The following CDK14 variants were observed in gnomAD, a reference collection of about 807,000 sequenced individuals.
CDK14 encodes the protein cyclin dependent kinase 14.
In CDK14, 34 loss-of-function variants were observed where a neutral mutation model predicts 60.7. That is an observed-to-expected ratio of 0.56 (90% confidence interval 0.43 to 0.75). The LOEUF (loss-of-function observed/expected upper bound fraction) is 0.75. Ranked by LOEUF, CDK14 falls within the 30% of genes least tolerant of loss-of-function variation. The pLI is 0.00. For missense variants in CDK14, 482 were observed against 564.1 expected, an observed-to-expected ratio of 0.85 and a Z score of 1.47; for synonymous variants, 197 against 203.7, an observed-to-expected ratio of 0.97 and a Z score of 0.28.
At chr7:91,011,450 G>T (rs552841867) in intron 10 of CDK14, among the ~76,000 whole-genome samples, 2 of 152,080 alleles carry the variant, frequency 1.3e-5, no homozygotes, top group African/African-American at 4.8e-5. Flanking sequence ...TGTGCTTGGC[G>T]TTCAGTAAGT....
At chr7:91,142,821 TCTC>T (rs1286315858) in intron 14 of CDK14, among the ~76,000 whole-genome samples, 24 of 152,272 alleles carry the variant, frequency 1.6e-4, no homozygotes, top group African/African-American at 5.5e-4. Context: ...AGAAGAAAGA[TCTC>T]CTTGAAAATA....
chr7:90,990,152 G>T (rs1046479931), intron 10 of CDK14, among the ~76,000 whole-genome samples: 1 of 152,194 alleles, frequency 6.6e-6, no homozygotes, highest in Non-Finnish European at 1.5e-5. Flanking sequence ...GGTAGTATGT[G>T]CCTATGGTCC....
Position 90,946,649 on chromosome 7 carries a change from A to G in CDK14, c.827-9048A>G, listed in dbSNP as rs187775873. ...AGTTCATGTTTGAAAGTAGTTGCCT[A>G]TTTTTATCTCATGGAATGTTTTAAA... On this transcript the variant is annotated intron_variant, in intron 8 of 14. Coordinates refer to ENST00000380050, the MANE Select transcript of CDK14 (RefSeq NM_001287135.2). Among the ~76,000 whole-genome samples, 297 of 152,276 alleles carry G rather than the reference A, an allele frequency of 2.0e-3. 4 individuals carry two copies. Among genetic ancestry groups the G allele is most frequent in the East Asian group, 3.9e-4 (2 of 5,178 alleles).
At chr7:91,143,005 T>C (rs1800513517) in intron 14 of CDK14, among the ~76,000 whole-genome samples, 1 of 152,122 alleles carries the variant, frequency 6.6e-6, no homozygotes, top group South Asian at 2.1e-4. Flanking sequence ...TCACCCAAGG[T>C]AAAATGTGAA....
chr7:91,190,678 CAG>C (rs1802332595), intron 14 of CDK14, among the ~76,000 whole-genome samples: 1 of 152,036 alleles, frequency 6.6e-6, no homozygotes, highest in African/African-American at 2.4e-5. Context: ...TTAGTAGAGA[CAG>C]GGTTTCGCCA....
chr7:90,719,517 C>T (rs1470847169), intron 2 of CDK14, among the ~76,000 whole-genome samples: 1 of 152,106 alleles, frequency 6.6e-6, no homozygotes, highest in African/African-American at 2.4e-5. Flanking sequence ...AAGCTAGAAT[C>T]GTAGGTCAAA....
At chr7:91,204,968 A>G (rs574272034) in intron 14 of CDK14, among the ~76,000 whole-genome samples, 30 of 152,138 alleles carry the variant, frequency 2.0e-4, no homozygotes, top group African/African-American at 6.7e-4. Context: ...AAGATGCCCA[A>G]CATCATCGAT....
chr7:90,633,372 T>C (rs1646769874), intron 2 of CDK14, among the ~76,000 whole-genome samples: 2 of 152,228 alleles, frequency 1.3e-5, no homozygotes. Context: ...ATTTTTAATA[T>C]GTACCTCATG....
chr7:90,638,360 T>C (rs1031685962), intron 2 of CDK14, among the ~76,000 whole-genome samples: 2 of 152,220 alleles, frequency 1.3e-5, no homozygotes, highest in Non-Finnish European at 2.9e-5. Flanking sequence ...TGCTTGTCTG[T>C]AAAGTATTTT....
chr7:90,768,563 A>C (rs566359938), intron 4 of CDK14, among the ~76,000 whole-genome samples: 18 of 152,218 alleles, frequency 1.2e-4, no homozygotes, highest in Non-Finnish European at 2.2e-4. Context: ...ACTGTACTTC[A>C]GAGTTGGAGC....
intron 14 of CDK14, among the ~76,000 whole-genome samples, chr7:91,158,105 A>G (rs1444422558): frequency 6.8e-6 from 1 of 147,514 alleles, no homozygotes; most frequent in Non-Finnish European, 1.5e-5. Context: ...ATATATAAAT[A>G]TTTATATATA....
intron 6 of CDK14, among the ~76,000 whole-genome samples, chr7:90,875,400 CTCTA>C (rs1791523060): frequency 6.6e-6 from 1 of 152,162 alleles, no homozygotes; most frequent in Admixed American, 6.5e-5. Flanking sequence ...CATCTTATAA[CTCTA>C]TCTTTCAGCT....
At chr7:91,174,642 G>A (rs1052698427) in intron 14 of CDK14, among the ~76,000 whole-genome samples, 3 of 131,672 alleles carry the variant, frequency 2.3e-5, no homozygotes, top group African/African-American at 8.5e-5. Flanking sequence ...ACCAAGGCTC[G>A]AGAACTACGT....
At chr7:90,728,558 C>T (rs1421656795) in intron 3 of CDK14, among the ~76,000 whole-genome samples, 1 of 152,010 alleles carries the variant, frequency 6.6e-6, no homozygotes, top group African/African-American at 2.4e-5. Context: ...AATAACATAT[C>T]ACTTCATATG....
chr7:90,649,062 G>A (rs894279842), intron 2 of CDK14, among the ~76,000 whole-genome samples: 44 of 152,184 alleles, frequency 2.9e-4, no homozygotes, highest in African/African-American at 9.6e-4. Flanking sequence ...TGTTTTGTGA[G>A]GCTGGGGTTG....
chr7:91,039,921 T>A (rs1797041931), intron 10 of CDK14, among the ~76,000 whole-genome samples: 1 of 152,004 alleles, frequency 6.6e-6, no homozygotes, highest in African/African-American at 2.4e-5. Context: ...ACCCCATCTC[T>A]ATAAAAAATA....
At chr7:90,791,295 A>C (rs761833447) in intron 5 of CDK14, among the ~76,000 whole-genome samples, 14 of 152,142 alleles carry the variant, frequency 9.2e-5, no homozygotes, top group South Asian at 6.2e-4. Context: ...ATTCCAAGAG[A>C]ATAAAATATC....
At chr7:91,196,871 C>A (rs891686775) in intron 14 of CDK14, among the ~76,000 whole-genome samples, 5 of 152,190 alleles carry the variant, frequency 3.3e-5, no homozygotes, top group African/African-American at 1.2e-4. Context: ...TTTATTTTCA[C>A]CTTTTACCAT....
chr7:90,853,771 C>T (rs2117188848), intron 5 of CDK14, among the ~76,000 whole-genome samples: 1 of 152,220 alleles, frequency 6.6e-6, no homozygotes, highest in Non-Finnish European at 1.5e-5. Context: ...TCGTGGGTTC[C>T]ATCCTTATAA....
Sources: gnomAD v4.1 joint callset for allele counts (sites outside exome capture counted in the v4.1 genomes callset) on GRCh38, gnomAD v4.1.1 for gene constraint, MANE v1.5 for transcripts, NCBI Gene and HGNC (gene_info 2026-07-23, HGNC 2026-07-21) for gene names.